SUCLG2: variants seen among roughly 807,000 people sequenced by gnomAD.
The protein encoded by SUCLG2 is succinate--CoA ligase [GDP-forming] subunit beta, mitochondrial.
SUCLG2 carries 42 observed loss-of-function variants against 47.9 expected under a neutral mutation model. The observed-to-expected ratio is 0.88, with a 90% CI of 0.69 to 1.14. The LOEUF is 1.14. Ranked by LOEUF, SUCLG2 falls within the 50% of genes most tolerant of loss-of-function variation. The pLI is 0.00. For synonymous variants in SUCLG2, 195 were observed against 197.3 expected, an observed-to-expected ratio of 0.99 and a Z score of 0.10; for missense variants, 571 against 525.9, an observed-to-expected ratio of 1.09 and a Z score of -0.84.
chr3:67,520,722 T>C (rs1056549734), intron 4 of SUCLG2, 88 bp from the exon 5 acceptor site: 54 of 1,462,028 alleles, frequency 3.7e-5, no homozygotes, highest in Non-Finnish European at 4.7e-5. Flanking sequence ...ACGAATCAAA[T>C]GGCTTCATTT....
Position 67,614,803 on chromosome 3 carries a change from G to A in SUCLG2, c.85-5207C>T, listed in dbSNP as rs531915582. 2.6e-3 allele frequency among the ~76,000 whole-genome samples: 394 copies of A among 152,252 alleles called. 3 individuals carry two copies. Among genetic ancestry groups the A allele is most frequent in the Non-Finnish European group, 7.1e-4 (48 of 68,020 alleles). On this transcript the variant is annotated intron_variant, in intron 1 of 10. Transcript: ENST00000307227. ...AGTCAGGAACCTGGAGGCCTGATGA[G>A]GGAAAGTGTCTTGCCTAGGGATCAT...
chr3:67,388,864 G>T (rs1702315018), intron 10 of SUCLG2, among the ~76,000 whole-genome samples: 1 of 152,128 alleles, frequency 6.6e-6, no homozygotes, highest in Admixed American at 6.5e-5. Flanking sequence ...GAGTCTGGAG[G>T]ATAGGTAAGA....
At chr3:67,595,557 A>G (rs1708273706) in intron 2 of SUCLG2, among the ~76,000 whole-genome samples, 1 of 152,196 alleles carries the variant, frequency 6.6e-6, no homozygotes, top group Non-Finnish European at 1.5e-5. Context: ...AAGCAACCTC[A>G]TGAACATGGC....
chr3:67,528,144 C>G lies in SUCLG2; in HGVS notation c.405G>C (p.Val135=). 6.2e-7 allele frequency: 1 copy of G among 1,613,682 alleles called. No individual in the cohort carries two copies. The highest frequency in any genetic ancestry group is 8.5e-7 in the Non-Finnish European group (1 of 1,179,732). Residue 135 remains valine, a synonymous_variant, in exon 4 of 11, where the codon GTG becomes GTC. Transcript: ENST00000307227. ...LATKQTPKEG[V]KVNKVMVAEA... Reference sequence around the variant, plus strand: ...GTATCCATATTACCTTGTTAACTTTCACACCTTCTTTTGGAGTTTGTTTTG... The same window carrying G: ...GTATCCATATTACCTTGTTAACTTTGACACCTTCTTTTGGAGTTTGTTTTG...
intron 1 of SUCLG2, among the ~76,000 whole-genome samples, chr3:67,620,326 GT>G (rs11289016): frequency 0.5 from 75,534 of 151,482 alleles, 19,946 homozygotes; most frequent in African/African-American, 0.68. Flanking sequence ...GCTCACACCC[GT>G]TAACCCCAGC....
At chr3:67,505,304 C>T (rs898305805) in intron 7 of SUCLG2, among the ~76,000 whole-genome samples, 18 of 152,368 alleles carry the variant, frequency 1.2e-4, no homozygotes, top group African/African-American at 4.1e-4. Context: ...AGCCAGTCCA[C>T]ACCTTAGACT....
chr3:67,616,069 T>C (rs564058347), intron 1 of SUCLG2, among the ~76,000 whole-genome samples: 1 of 151,968 alleles, frequency 6.6e-6, no homozygotes, highest in African/African-American at 2.4e-5. Context: ...TAAGAGACCA[T>C]GTGCAACCCT....
intron 2 of SUCLG2, among the ~76,000 whole-genome samples, chr3:67,577,032 G>T (rs1427122161): frequency 6.6e-6 from 1 of 152,146 alleles, no homozygotes; most frequent in African/African-American, 2.4e-5. Flanking sequence ...GTCCAACTAG[G>T]ACACTCAAAA....
chr3:67,592,378 T>C (rs1351223868), intron 2 of SUCLG2, among the ~76,000 whole-genome samples: 1 of 152,180 alleles, frequency 6.6e-6, no homozygotes, highest in Non-Finnish European at 1.5e-5. Context: ...AAACTCACTA[T>C]CCTAGCAGAG....
At chr3:67,406,952 G>C (rs1221267081) in intron 9 of SUCLG2, among the ~76,000 whole-genome samples, 1 of 152,158 alleles carries the variant, frequency 6.6e-6, no homozygotes, top group East Asian at 1.9e-4. Flanking sequence ...TTTCACCACA[G>C]CACATGCAGG....
At chr3:67,636,164 A>G (rs1041197502) in intron 1 of SUCLG2, among the ~76,000 whole-genome samples, 1 of 152,128 alleles carries the variant, frequency 6.6e-6, no homozygotes, top group East Asian at 1.9e-4. Context: ...GTCACTTCCA[A>G]GCAGAAACTC....
intron 9 of SUCLG2, among the ~76,000 whole-genome samples, chr3:67,428,882 G>A (rs796539813): frequency 4.6e-5 from 7 of 152,242 alleles, no homozygotes; most frequent in African/African-American, 1.2e-4. Flanking sequence ...GAAATGAAGC[G>A]AGAAGAGAAG....
chr3:67,409,081 G>A (rs1702878485), intron 9 of SUCLG2: 2 of 1,500,608 alleles, frequency 1.3e-6, no homozygotes, highest in Non-Finnish European at 8.9e-7. Context: ...TAGGTTTGTG[G>A]ACCAATGGGT....
intron 9 of SUCLG2, among the ~76,000 whole-genome samples, chr3:67,449,800 G>T (rs1027808125): frequency 6.6e-6 from 1 of 151,958 alleles, no homozygotes; most frequent in African/African-American, 2.4e-5. Context: ...TTTTAGTAGA[G>T]ATGTGGTTTT....
intron 7 of SUCLG2, among the ~76,000 whole-genome samples, chr3:67,500,262 C>T (rs1705460469): frequency 6.6e-6 from 1 of 152,024 alleles, no homozygotes; most frequent in Admixed American, 6.6e-5. Context: ...TTAGAGACCC[C>T]AGGTAGAGGG....
chr3:67,534,176 G>A (rs11927204), intron 2 of SUCLG2, among the ~76,000 whole-genome samples: 18,376 of 152,028 alleles, frequency 0.12, 1,656 homozygotes, highest in African/African-American at 0.24. Context: ...AGAAATTCTT[G>A]ACTGATAAGG....
intron 1 of SUCLG2, among the ~76,000 whole-genome samples, chr3:67,627,207 A>C (rs1322435360): frequency 6.6e-6 from 1 of 151,988 alleles, no homozygotes; most frequent in Non-Finnish European, 1.5e-5. Flanking sequence ...TAAAAAAAAA[A>C]ATCTACTTAA....
intron 9 of SUCLG2, among the ~76,000 whole-genome samples, chr3:67,455,547 C>T (rs1704162219): frequency 6.6e-6 from 1 of 152,138 alleles, no homozygotes. Context: ...TATATACTGG[C>T]AATGTAAAAT....
chr3:67,397,320 C>T (rs1702554672), intron 10 of SUCLG2, among the ~76,000 whole-genome samples: 1 of 151,824 alleles, frequency 6.6e-6, no homozygotes, highest in South Asian at 2.1e-4. Context: ...GCAACTTCAG[C>T]AAAGTCTCAG....
Sources: gnomAD v4.1 joint callset for allele counts (sites outside exome capture counted in the v4.1 genomes callset) on GRCh38, gnomAD v4.1.1 for gene constraint, MANE v1.5 for transcripts, NCBI Gene and HGNC (gene_info 2026-07-23, HGNC 2026-07-21) for gene names.